The following E2F3 variants were observed in gnomAD, a reference collection of about 807,000 sequenced individuals.
The protein encoded by E2F3 is E2F transcription factor 3.
Under a neutral mutation model 44.4 loss-of-function variants are expected in E2F3, and 11 were observed. The ratio of observed to expected loss-of-function variants is 0.25; its 90% CI spans 0.16 to 0.41. E2F3 has a LOEUF of 0.41. E2F3 is among the 10% of genes least tolerant of loss of function. E2F3 has a pLI of 1.00. For missense variants in E2F3, 487 were observed against 583.6 expected, an observed-to-expected ratio of 0.83 and a Z score of 1.70; for synonymous variants, 249 against 253.0, an observed-to-expected ratio of 0.98 and a Z score of 0.15.
intron 1 of E2F3, among the ~76,000 whole-genome samples, chr6:20,432,553 C>A (rs1240944823): frequency 6.6e-6 from 1 of 152,198 alleles, no homozygotes; most frequent in Non-Finnish European, 1.5e-5. Context: ...GGCTGAGTTT[C>A]TTGTAACAGA....
In E2F3 at chr6:20,486,705, T is replaced by C; in HGVS notation, c.901T>C (p.Tyr301His). ...ACTCTTTACGTTAGCTTATGTTACA[T>C]ATCAAGATATTCGAAAAATTAGTGG... ...SENQRLAYVT[Y>H]QDIRKISGLK... The change falls in exon 5 of 7, where the codon TAT (tyrosine) becomes CAT (histidine). Residue 301 changes from tyrosine to histidine, a missense_variant. Physicochemically the swap from Tyr to His is moderately conservative, Grantham distance 83. Transcript: ENST00000346618. 6.2e-7 allele frequency: 1 copy of C among 1,602,336 alleles called. No individual in the cohort carries two copies. Among genetic ancestry groups the C allele is most frequent in the Non-Finnish European group, 8.5e-7 (1 of 1,170,924 alleles).
At chr6:20,442,691 G>A (rs533382911) in intron 1 of E2F3, among the ~76,000 whole-genome samples, 3 of 152,264 alleles carry the variant, frequency 2.0e-5, no homozygotes, top group African/African-American at 7.2e-5. Context: ...ATCTCAGGCC[G>A]GGTGAGGTGG....
intron 1 of E2F3, among the ~76,000 whole-genome samples, chr6:20,439,333 A>G (rs1444922384): frequency 6.6e-6 from 1 of 152,238 alleles, no homozygotes. Flanking sequence ...ATGTAAAGCA[A>G]CGCTTTAGCA....
chr6:20,461,598 A>T (rs1366899797), intron 1 of E2F3, among the ~76,000 whole-genome samples: 1 of 152,200 alleles, frequency 6.6e-6, no homozygotes, highest in Non-Finnish European at 1.5e-5. Context: ...CTACGTATTT[A>T]TTAATCTAAT....
intron 1 of E2F3, among the ~76,000 whole-genome samples, chr6:20,474,540 T>C (rs1482200088): frequency 6.6e-6 from 1 of 152,120 alleles, no homozygotes; most frequent in East Asian, 1.9e-4. Context: ...GCATAAACAA[T>C]GAATACCTCT....
intron 1 of E2F3, among the ~76,000 whole-genome samples, chr6:20,426,286 C>G (rs1443364548): frequency 6.6e-6 from 1 of 152,086 alleles, no homozygotes; most frequent in East Asian, 1.9e-4. Flanking sequence ...GGAATTAAAT[C>G]TTAGTGTCTT....
At chr6:20,487,030 A>G (rs1267003058) in intron 5 of E2F3, among the ~76,000 whole-genome samples, 1 of 152,226 alleles carries the variant, frequency 6.6e-6, no homozygotes, top group Non-Finnish European at 1.5e-5. Flanking sequence ...TCAAAGTGGT[A>G]TATGATGCGC....
chr6:20,470,873 T>G (rs1223011075), intron 1 of E2F3, among the ~76,000 whole-genome samples: 1 of 152,198 alleles, frequency 6.6e-6, no homozygotes, highest in Non-Finnish European at 1.5e-5. Flanking sequence ...CATATCCCAT[T>G]TCTGTTTTGA....
At chr6:20,411,012 G>GGAATGGCTCTCGCCTAATGCA (rs1240438678) in intron 1 of E2F3, among the ~76,000 whole-genome samples, 2 of 152,138 alleles carry the variant, frequency 1.3e-5, no homozygotes, top group East Asian at 3.9e-4. Flanking sequence ...AGTAAACCGT[G>GGAATGGCTCTCGCCTAATGCA]GAATGGCTCT....
At chr6:20,462,088 A>G (rs1050941319) in intron 1 of E2F3, among the ~76,000 whole-genome samples, 2 of 152,094 alleles carry the variant, frequency 1.3e-5, no homozygotes, top group South Asian at 4.1e-4. Context: ...CTTGGGTTAT[A>G]TGTTCTTTTC....
rs1762386220 is a variant in E2F3, at chr6:20,486,222, G to A, written c.885-467G>A. ...CTTTAGTTGTTTAGAGTGTCAACCA[G>A]AAATGAAGATTCATGGGAGACCCTA... On this transcript the variant is annotated intron_variant, in intron 4 of 6. Coordinates refer to ENST00000346618, the MANE Select transcript of E2F3 (RefSeq NM_001949.5). Among the ~76,000 whole-genome samples, 4 of 152,208 alleles carry A rather than the reference G, an allele frequency of 2.6e-5. 1 individual carries two copies. Among genetic ancestry groups the A allele is most frequent in the African/African-American group, 9.6e-5 (4 of 41,452 alleles).
rs776312150 is a variant in E2F3, at chr6:20,490,377, G to A, written c.1345G>A (p.Asp449Asn). Residue 449 changes from aspartate (D) to asparagine (N), a missense_variant, in exon 7 of 7, where the codon GAT becomes AAT. By Grantham distance (23) the Asp-to-Asn change is conservative. This residue lies in a region of E2F3 where 220 missense variants were observed against 261.7 expected (regional missense o/e 0.84). Transcript: ENST00000346618. This position sits in a 1 kb window ranked among gnomAD's most constrained non-coding sequence, Gnocchi z 4.3. ...GEEEGISDLF[D>N]AYDLEKLPLV... is the part of the protein sequence containing the mutation. ...GGAGGAAGGCATCAGCGATCTCTTC[G>A]ATGCTTACGATTTGGAAAAGCTCCC... The A allele has an allele frequency of 1.9e-6, 3 of 1,607,394 alleles. No individual in the cohort carries two copies. Among genetic ancestry groups the A allele is most frequent in the Admixed American group, 1.7e-5 (1 of 59,048 alleles).
intron 1 of E2F3, among the ~76,000 whole-genome samples, chr6:20,448,878 C>A (rs1284931029): frequency 6.6e-6 from 1 of 152,178 alleles, no homozygotes; most frequent in Non-Finnish European, 1.5e-5. Flanking sequence ...AATGTAAATT[C>A]ATTGGCTTAA....
At chr6:20,477,908 A>G (rs1463112514) in intron 1 of E2F3, among the ~76,000 whole-genome samples, 2 of 152,150 alleles carry the variant, frequency 1.3e-5, no homozygotes, top group African/African-American at 2.4e-5. Context: ...GGACACACTC[A>G]TGGCCGGGTG....
intron 1 of E2F3, among the ~76,000 whole-genome samples, chr6:20,425,900 G>A (rs1760200924): frequency 6.6e-6 from 1 of 152,190 alleles, no homozygotes; most frequent in Admixed American, 6.5e-5. Context: ...GGTGCCTTCT[G>A]TTGGTTCTTA....
At chr6:20,425,958 C>G (rs929785408) in intron 1 of E2F3, among the ~76,000 whole-genome samples, 5 of 152,162 alleles carry the variant, frequency 3.3e-5, no homozygotes, top group African/African-American at 1.2e-4. Flanking sequence ...TTTGAAGCAG[C>G]CTCCCAAACA....
intron 1 of E2F3, among the ~76,000 whole-genome samples, chr6:20,467,230 G>T (rs1469035147): frequency 6.6e-6 from 1 of 152,090 alleles, no homozygotes; most frequent in Non-Finnish European, 1.5e-5. Context: ...GCCCCTAATC[G>T]CATCATTTAC....
Position 20,402,388 on chromosome 6 carries a change from C to T in E2F3, c.156C>T (p.Ala52=), listed in dbSNP as rs1355453217. 12 of 1,610,020 alleles carry T rather than the reference C, an allele frequency of 7.5e-6. No homozygotes were observed. Among genetic ancestry groups the T allele is most frequent in the East Asian group, 2.2e-5 (1 of 44,700 alleles). The change falls in exon 1 of 7, where the codon GCC becomes GCT. Residue 52 remains alanine, a synonymous_variant. Transcript: ENST00000346618. This position sits in a 1 kb window ranked among gnomAD's most constrained non-coding sequence, Gnocchi z 5.6. ...PGFAAAAAAA[A]APGAYIQILT... The stretch of plus-strand genomic sequence containing the variant: ...TCGCCGCCGCCGCCGCCGCTGCCGC[C>T]GCCCCGGGCGCGTACATCCAGATCC...
chr6:20,463,667 T>G (rs1761602174), intron 1 of E2F3, among the ~76,000 whole-genome samples: 1 of 152,194 alleles, frequency 6.6e-6, no homozygotes, highest in Non-Finnish European at 1.5e-5. Context: ...TACTGTAGTT[T>G]CACATCACGC....
Sources: gnomAD v4.1 joint callset for allele counts (sites outside exome capture counted in the v4.1 genomes callset) on GRCh38, gnomAD v4.1.1 for gene constraint, gnomAD v4.1.1 regional missense constraint, Gnocchi (gnomAD v3.1) non-coding constraint, MANE v1.5 for transcripts, NCBI Gene and HGNC (gene_info 2026-07-23, HGNC 2026-07-21) for gene names.